The following LRRTM4 variants were observed in gnomAD, a reference collection of about 807,000 sequenced individuals.
LRRTM4 encodes leucine rich repeat transmembrane neuronal 4.
A neutral mutation model predicts 47.6 loss-of-function variants in LRRTM4; 25 were observed. The observed-to-expected ratio is 0.53, with a 90% confidence interval of 0.38 to 0.73. The LOEUF is 0.73. LRRTM4 is among the 30% of genes least tolerant of loss of function. The pLI is 0.00. For synonymous variants in LRRTM4, 311 were observed against 269.5 expected, an observed-to-expected ratio of 1.15 and a Z score of -1.51; for missense variants, 638 against 713.4, an observed-to-expected ratio of 0.89 and a Z score of 1.20.
intron 3 of LRRTM4, among the ~76,000 whole-genome samples, chr2:77,459,583 T>C (rs1318135239): frequency 1.3e-5 from 2 of 151,306 alleles, no homozygotes; most frequent in African/African-American, 2.4e-5. Flanking sequence ...TTACACTACA[T>C]CATATAATGA....
intron 3 of LRRTM4, among the ~76,000 whole-genome samples, chr2:77,411,750 G>T (rs1309417932): frequency 2.0e-5 from 3 of 148,584 alleles, no homozygotes; most frequent in African/African-American, 7.5e-5. Flanking sequence ...GATTACAGAT[G>T]TAAGCCACCG....
At chr2:76,789,744 C>CTTCTAGATAAAGGTTTCAAAG (rs1674871846) in intron 3 of LRRTM4, among the ~76,000 whole-genome samples, 1 of 152,106 alleles carries the variant, frequency 6.6e-6, no homozygotes, top group Non-Finnish European at 1.5e-5. Context: ...GGTTTTCAAG[C>CTTCTAGATAAAGGTTTCAAAG]TTCTAGATAA....
At chr2:77,004,585 G>A (rs1677564434) in intron 3 of LRRTM4, among the ~76,000 whole-genome samples, 1 of 152,194 alleles carries the variant, frequency 6.6e-6, no homozygotes, top group African/African-American at 2.4e-5. Context: ...CAGTGCAGAG[G>A]AGAAATGTAG....
At chr2:77,063,200 C>T (rs1033764550) in intron 3 of LRRTM4, among the ~76,000 whole-genome samples, 4 of 152,116 alleles carry the variant, frequency 2.6e-5, no homozygotes, top group East Asian at 1.9e-4. Flanking sequence ...CCTCGTGATC[C>T]GCCCACCTCG....
chr2:76,823,674 T>A (rs1206317411), intron 3 of LRRTM4, among the ~76,000 whole-genome samples: 1 of 151,166 alleles, frequency 6.6e-6, no homozygotes, highest in Non-Finnish European at 1.5e-5. Flanking sequence ...AGAATGAGAG[T>A]CAAGTTCTTC....
At chr2:76,988,972 G>A (rs113758724) in intron 3 of LRRTM4, among the ~76,000 whole-genome samples, 2,055 of 151,748 alleles carry the variant, frequency 0.014, 51 homozygotes, top group African/African-American at 0.047. Context: ...AAACAGTTCA[G>A]GTATTATCAA....
intron 3 of LRRTM4, among the ~76,000 whole-genome samples, chr2:77,515,453 C>T (rs1048832833): frequency 8.6e-5 from 13 of 151,638 alleles, no homozygotes; most frequent in African/African-American, 2.7e-4. Flanking sequence ...GTCATGGTAA[C>T]TGAATATAAA....
At chr2:76,864,395 T>C (rs942861720) in intron 3 of LRRTM4, among the ~76,000 whole-genome samples, 6 of 152,164 alleles carry the variant, frequency 3.9e-5, no homozygotes, top group South Asian at 2.1e-4. Context: ...TGGTGGCTCA[T>C]GCCTGTAATC....
chr2:76,953,780 C>A (rs926008755), intron 3 of LRRTM4, among the ~76,000 whole-genome samples: 54 of 151,932 alleles, frequency 3.6e-4, no homozygotes, highest in Admixed American at 3.6e-3. Flanking sequence ...TGATATTCAG[C>A]TTTTCTGGGA....
chr2:77,409,440 C>G (rs1346132713), intron 3 of LRRTM4, among the ~76,000 whole-genome samples: 1 of 152,084 alleles, frequency 6.6e-6, no homozygotes, highest in African/African-American at 2.4e-5. Context: ...TTTACTATAG[C>G]CTTAATCCCA....
chr2:77,192,604 T>TAATTTGGTAAA (rs141038910), intron 3 of LRRTM4, among the ~76,000 whole-genome samples: 69,603 of 151,924 alleles, frequency 0.46, 17,686 homozygotes, highest in Admixed American at 0.58. Flanking sequence ...TTTTGGTAAA[T>TAATTTGGTAAA]CATTCCAAAT....
rs553732860 is a variant in LRRTM4, at chr2:77,316,394, G to GT, written c.1551+201923dup. Among the ~76,000 whole-genome samples the GT allele has an allele frequency of 9.9e-5, 15 of 152,188 alleles. No individual in the cohort carries two copies. In the East Asian group the frequency reaches 2.9e-3, roughly 29 times the overall value. ...AAAAATGTTCTATGTCAACTGTAAA[G>GT]TTTTTTAAGTAAATTGAAACAACAG... On this transcript the variant is annotated intron_variant, in intron 3 of 3. Coordinates refer to ENST00000409884, the MANE Select transcript of LRRTM4 (RefSeq NM_001134745.3).
intron 3 of LRRTM4, among the ~76,000 whole-genome samples, chr2:77,438,299 T>A (rs72811226): frequency 0.13 from 19,440 of 151,930 alleles, 1,327 homozygotes; most frequent in East Asian, 0.25. Context: ...TTATATATAT[T>A]TTGAAAATCA....
intron 3 of LRRTM4, among the ~76,000 whole-genome samples, chr2:77,320,709 C>A (rs929343344): frequency 2.0e-5 from 3 of 151,502 alleles, no homozygotes; most frequent in African/African-American, 7.3e-5. Flanking sequence ...GGTTATTATA[C>A]CTATATGAGT....
chr2:77,516,829 G>A (rs1679224353), intron 3 of LRRTM4: 1 of 983,624 alleles, frequency 1.0e-6, no homozygotes, highest in African/African-American at 1.7e-5. Flanking sequence ...ATTGTACTGA[G>A]TTAGAGATTA....
At chr2:77,098,033 A>T (rs1431451629) in intron 3 of LRRTM4, among the ~76,000 whole-genome samples, 2 of 152,036 alleles carry the variant, frequency 1.3e-5, no homozygotes, top group African/African-American at 4.8e-5. Context: ...AAATATTATG[A>T]ACAACATTGT....
chr2:77,359,482 C>T (rs1423301914), intron 3 of LRRTM4, among the ~76,000 whole-genome samples: 1 of 152,114 alleles, frequency 6.6e-6, no homozygotes, highest in Non-Finnish European at 1.5e-5. Flanking sequence ...AACAATTTCC[C>T]TCCTCCATCT....
intron 3 of LRRTM4, among the ~76,000 whole-genome samples, chr2:77,037,532 G>T (rs1678877339): frequency 6.6e-6 from 1 of 150,900 alleles, no homozygotes; most frequent in Non-Finnish European, 1.5e-5. Context: ...CTTATGTCCA[G>T]GTACTTCCTT....
At chr2:76,806,193 A>G (rs1273516253) in intron 3 of LRRTM4, among the ~76,000 whole-genome samples, 2 of 152,226 alleles carry the variant, frequency 1.3e-5, no homozygotes, top group Admixed American at 6.5e-5. Context: ...TATTAAACAA[A>G]TAACTAGGCA....
Sources: gnomAD v4.1 joint callset for allele counts (sites outside exome capture counted in the v4.1 genomes callset) on GRCh38, gnomAD v4.1.1 for gene constraint, MANE v1.5 for transcripts, NCBI Gene and HGNC (gene_info 2026-07-23, HGNC 2026-07-21) for gene names.